The following SEM1 variants were observed in gnomAD, a reference collection of about 807,000 sequenced individuals.
The protein encoded by SEM1 is SEM1 26S proteasome subunit.
In SEM1, 3 loss-of-function variants were observed where a neutral mutation model predicts 12.7. The ratio of observed to expected loss-of-function variants is 0.24; its 90% CI spans 0.11 to 0.61. SEM1 has a LOEUF of 0.61. Among genes scored for constraint, SEM1 ranks in the 20% least tolerant of loss-of-function variants. SEM1 has a pLI of 0.88. For synonymous variants in SEM1, 30 were observed against 27.8 expected (o/e 1.08, Z -0.25); for missense variants, 59 against 81.3 (o/e 0.73, Z 1.06).
rs1025918250 is a variant in SEM1, at chr7:96,612,446, G to A, written c.170+82352C>T. ...AAACTGGGAAACAAGGGCATTTGCTGTGAATCTCAGAGTTGGGAGGAATGT... is the reference window on the plus strand; with the variant it reads ...AAACTGGGAAACAAGGGCATTTGCTATGAATCTCAGAGTTGGGAGGAATGT... On this transcript the variant is annotated intron_variant and NMD_transcript_variant, in intron 2 of 3. Coordinates refer to the SEM1 transcript ENST00000466986. Among the ~76,000 whole-genome samples the A allele has an allele frequency of 5.3e-5, 8 of 152,246 alleles. 1 individual carries two copies. In the East Asian group the frequency reaches 1.5e-3, roughly 29 times the overall value.
At chr7:96,685,441 T>C (rs115549877), downstream of SEM1, among the ~76,000 whole-genome samples, 855 of 150,074 alleles carry the variant, frequency 5.7e-3, 8 homozygotes, top group African/African-American at 0.02. Context: ...AAACTTCATT[T>C]TTTCTGTGTA....
chr7:96,691,225 C>T (rs976082921), intron 2 of SEM1, among the ~76,000 whole-genome samples: 1 of 152,132 alleles, frequency 6.6e-6, no homozygotes, highest in Non-Finnish European at 1.5e-5. Context: ...TGGCCTTATT[C>T]TTTCTACTTC....
chr7:96,618,096 G>T (rs1205607572), downstream of SEM1, among the ~76,000 whole-genome samples: 1 of 152,148 alleles, frequency 6.6e-6, no homozygotes, highest in Non-Finnish European at 1.5e-5. Flanking sequence ...GTTTCAGAAG[G>T]ATTGGTATTA....
intron 2 of SEM1, among the ~76,000 whole-genome samples, chr7:96,630,041 T>C (rs1443770416): frequency 2.0e-5 from 3 of 152,214 alleles, no homozygotes; most frequent in Admixed American, 6.5e-5. Context: ...CCAAGCACCC[T>C]TGTGGCCACC....
intron 2 of SEM1, among the ~76,000 whole-genome samples, chr7:96,689,548 G>A (rs1789863472): frequency 6.6e-6 from 1 of 152,144 alleles, no homozygotes; most frequent in Non-Finnish European, 1.5e-5. Flanking sequence ...CTTAAAGTAT[G>A]ATTAATATGC....
intron 2 of SEM1, among the ~76,000 whole-genome samples, chr7:96,690,979 G>C (rs1789914071): frequency 6.6e-6 from 1 of 152,138 alleles, no homozygotes; most frequent in South Asian, 2.1e-4. Context: ...CAACATGTTA[G>C]CCAGGATGGT....
At chr7:96,586,511 C>T (rs974391359) in intron 2 of SEM1, among the ~76,000 whole-genome samples, 5 of 152,210 alleles carry the variant, frequency 3.3e-5, no homozygotes, top group African/African-American at 9.6e-5. Flanking sequence ...AGAATCCTCT[C>T]AATCCACACT....
At chr7:96,647,538 G>A (rs1358691128) in intron 2 of SEM1, 1 of 152,074 alleles carries the variant, frequency 6.6e-6, no homozygotes, top group East Asian at 1.9e-4. Context: ...TTTGGATGGT[G>A]CCCTAGAAGA....
At chr7:96,622,021 G>C (rs570836912), downstream of SEM1, 1 of 152,486 alleles carries the variant, frequency 6.6e-6, no homozygotes, top group South Asian at 2.1e-4. Context: ...GGGATTACTT[G>C]TCTCACTTGT....
intron 2 of SEM1, among the ~76,000 whole-genome samples, chr7:96,646,141 C>T (rs1478391352): frequency 6.6e-6 from 1 of 152,152 alleles, no homozygotes; most frequent in Non-Finnish European, 1.5e-5. Flanking sequence ...GCCTGCATGA[C>T]AAATCCAGCC....
At chr7:96,656,159 T>C (rs1809173280) in intron 2 of SEM1, among the ~76,000 whole-genome samples, 1 of 152,194 alleles carries the variant, frequency 6.6e-6, no homozygotes, top group Admixed American at 6.5e-5. Context: ...CAAAATTAAA[T>C]TCCATTTTTT....
rs1480235429 is a variant in SEM1, at chr7:96,487,089, GC to G, written c.13-673del. 4.3e-5 allele frequency among the ~76,000 whole-genome samples: 6 copies of G among 140,194 alleles called. No homozygotes were observed. In the East Asian group the frequency reaches 1.2e-3, roughly 27 times the overall value. 92.0% of individuals were successfully genotyped at this position (140,194 alleles called of 152,430 possible). A position where few individuals can be genotyped will look rare whatever the true frequency, so the allele number is the denominator to read the frequency against. On this transcript the variant is annotated intron_variant, in intron 1 of 3. Transcript: ENST00000356686. ...CCAAGCCTGGTAAAAATGACAACAT[GC>G]ATCTGCACAACCTATTCTAGATTAT...
Position 96,709,674 on chromosome 7 carries a change from G to A in SEM1, c.76+14C>T. On this transcript the variant is annotated intron_variant, in intron 1 of 2. Coordinates refer to ENST00000248566, the MANE Select transcript of SEM1 (RefSeq NM_006304.2). ...ACCGTTCGCGCGACACAGAAACCGGGGCCCAGCGGTTACCTTCGGCAGGGA... is the reference window on the plus strand; with the variant it reads ...ACCGTTCGCGCGACACAGAAACCGGAGCCCAGCGGTTACCTTCGGCAGGGA... 2 of 1,612,356 alleles carry A rather than the reference G, an allele frequency of 1.2e-6. No individual in the cohort carries two copies. Among genetic ancestry groups the A allele is most frequent in the Non-Finnish European group, 1.7e-6 (2 of 1,178,994 alleles).
downstream of SEM1, chr7:96,688,644 A>T (rs1789833143): frequency 1.3e-5 from 2 of 154,186 alleles, no homozygotes; most frequent in East Asian, 1.7e-4. Context: ...AGTTAACATT[A>T]AAAAAAAAAA....
downstream of SEM1, among the ~76,000 whole-genome samples, chr7:96,671,928 G>A (rs562629482): frequency 1.3e-5 from 2 of 152,290 alleles, no homozygotes; most frequent in East Asian, 3.9e-4. Flanking sequence ...TGCCCATATC[G>A]GGATAGGAAA....
In SEM1 at chr7:96,612,711, C is replaced by T. The variant is rs547184220; in HGVS notation, c.170+82087G>A. Among the ~76,000 whole-genome samples, 7 of 152,356 alleles carry T rather than the reference C, an allele frequency of 4.6e-5. No homozygotes were observed. The South Asian group carries it at 1.4e-3, about 32-fold the overall frequency. ...AGTGCAGTGGCGCAATCTCAGCTCACTGCAAGCTCTGCCTCCTGGGTTCAC... is the reference window on the plus strand; with the variant it reads ...AGTGCAGTGGCGCAATCTCAGCTCATTGCAAGCTCTGCCTCCTGGGTTCAC... On this transcript the variant is annotated intron_variant and NMD_transcript_variant, in intron 2 of 3. Coordinates refer to the SEM1 transcript ENST00000466986.
intron 2 of SEM1, among the ~76,000 whole-genome samples, chr7:96,555,853 G>A (rs1416940504): frequency 6.7e-6 from 1 of 149,678 alleles, no homozygotes; most frequent in South Asian, 2.2e-4. Context: ...CTCAGGACTT[G>A]CTTTATGAAT....
intron 2 of SEM1, among the ~76,000 whole-genome samples, chr7:96,614,967 C>T (rs1429014509): frequency 6.6e-6 from 1 of 152,136 alleles, no homozygotes; most frequent in African/African-American, 2.4e-5. Context: ...CAAACTACAG[C>T]CCAAGGACAA....
intron 2 of SEM1, among the ~76,000 whole-genome samples, chr7:96,531,259 C>T: frequency 6.6e-6 from 1 of 151,956 alleles, no homozygotes; most frequent in South Asian, 2.1e-4. Context: ...GATCAAGGCT[C>T]ATGGCTTTAC....
Sources: gnomAD v4.1 joint callset for allele counts (sites outside exome capture counted in the v4.1 genomes callset) on GRCh38, gnomAD v4.1.1 for gene constraint, MANE v1.5 for transcripts, NCBI Gene and HGNC (gene_info 2026-07-23, HGNC 2026-07-21) for gene names.